Variants in URI1 observed in about 807,000 individuals in gnomAD.
The protein encoded by URI1 is unconventional prefoldin RPB5 interactor 1.
Under a neutral mutation model 60.2 loss-of-function variants are expected in URI1, and 39 were observed. The observed-to-expected ratio is 0.65, with a 90% confidence interval of 0.50 to 0.85. The LOEUF is 0.85. Ranked by LOEUF, URI1 falls within the 40% of genes least tolerant of loss-of-function variation. The probability of loss-of-function intolerance (pLI) is 0.00; values close to 1 mark genes in which losing one functional copy is unlikely to be tolerated. For synonymous variants in URI1, 251 were observed against 236.8 expected (o/e 1.06, Z -0.55); for missense variants, 691 against 665.9 (o/e 1.04, Z -0.42).
intron 1 of URI1, among the ~76,000 whole-genome samples, chr19:29,934,089 C>A (rs943162068): frequency 1.3e-5 from 2 of 151,648 alleles, no homozygotes; most frequent in Non-Finnish European, 2.9e-5. Flanking sequence ...GTGCCTGCCA[C>A]CACGCCCGGC....
In URI1 at chr19:29,972,610, T is replaced by C. The variant is rs1442460615; in HGVS notation, c.152+1383T>C. Among the ~76,000 whole-genome samples the C allele has an allele frequency of 3.3e-5, 5 of 152,166 alleles. No homozygotes were observed. In the South Asian group the frequency reaches 8.3e-4, roughly 25 times the overall value. On this transcript the variant is annotated intron_variant, in intron 2 of 10. Coordinates refer to ENST00000392271, the MANE Select transcript of URI1 (RefSeq NM_003796.3). Reference sequence around the variant, plus strand: ...TTTATAAGATTCTTATTAGAGTTCTTTAAGGATAAGGGCACGTTTTCATCC... The same window carrying C: ...TTTATAAGATTCTTATTAGAGTTCTCTAAGGATAAGGGCACGTTTTCATCC...
intron 4 of URI1, among the ~76,000 whole-genome samples, chr19:29,990,602 A>C (rs928304126): frequency 4.6e-5 from 7 of 152,218 alleles, no homozygotes; most frequent in Non-Finnish European, 7.3e-5. Flanking sequence ...GAATAAATTA[A>C]AGAAACCAGT....
chr19:29,949,708 G>A (rs913180503), intron 1 of URI1, among the ~76,000 whole-genome samples: 3 of 152,230 alleles, frequency 2.0e-5, no homozygotes, highest in Admixed American at 6.5e-5. Context: ...AGGAGCTGGA[G>A]ACCAGCCCGG....
intron 1 of URI1, among the ~76,000 whole-genome samples, chr19:29,960,826 T>G (rs1019903558): frequency 6.6e-6 from 1 of 152,116 alleles, no homozygotes; most frequent in Non-Finnish European, 1.5e-5. Flanking sequence ...TTCAAAAAAT[T>G]GTAGTAAATA....
intron 1 of URI1, among the ~76,000 whole-genome samples, chr19:29,952,341 A>G (rs923022963): frequency 2.0e-5 from 3 of 152,226 alleles, no homozygotes; most frequent in Admixed American, 6.5e-5. Flanking sequence ...TTCTTGCATC[A>G]TGAAGTCTTT....
chr19:29,959,213 C>A (rs1386425678), intron 1 of URI1, among the ~76,000 whole-genome samples: 2 of 152,102 alleles, frequency 1.3e-5, no homozygotes, highest in Non-Finnish European at 2.9e-5. Context: ...CATCCTGGAA[C>A]TCCCAGGCTC....
chr19:30,007,441 C>T (rs756592005), intron 6 of URI1, 29 bp from the exon 7 acceptor site: 1 of 1,605,936 alleles, frequency 6.2e-7, no homozygotes, highest in South Asian at 1.1e-5. Context: ...TGGCTATTAA[C>T]AGCCACGTCT....
chr19:29,952,611 G>A (rs1030908318), intron 1 of URI1, among the ~76,000 whole-genome samples: 1 of 151,760 alleles, frequency 6.6e-6, no homozygotes, highest in Admixed American at 6.6e-5. Flanking sequence ...TTTTCTCCTA[G>A]CCTCTGACCT....
chr19:29,952,065 A>C (rs1403653410), intron 1 of URI1, among the ~76,000 whole-genome samples: 2 of 152,218 alleles, frequency 1.3e-5, no homozygotes, highest in African/African-American at 2.4e-5. Context: ...AAATATATTA[A>C]CCTTCAATAT....
intron 1 of URI1, among the ~76,000 whole-genome samples, chr19:29,935,935 C>T (rs962893779): frequency 3.3e-5 from 5 of 151,808 alleles, no homozygotes; most frequent in Non-Finnish European, 4.4e-5. Context: ...TACAGGCACC[C>T]GCCACCACGC....
chr19:29,961,447 A>G (rs1568418437), intron 1 of URI1, among the ~76,000 whole-genome samples: 1 of 151,988 alleles, frequency 6.6e-6, no homozygotes, highest in African/African-American at 2.4e-5. Context: ...ACTTACCATA[A>G]TGTCTCAAGG....
chr19:29,923,839 G>C (rs1459282960), intron 1 of URI1: 1 of 1,352,818 alleles, frequency 7.4e-7, no homozygotes, highest in Non-Finnish European at 1.0e-6. Flanking sequence ...GGATTAGTCA[G>C]AGAAACAGAA....
chr19:29,954,768 T>C (rs1430812596), intron 1 of URI1, among the ~76,000 whole-genome samples: 1 of 152,118 alleles, frequency 6.6e-6, no homozygotes, highest in Admixed American at 6.5e-5. Context: ...TCTGCCCGCC[T>C]CAGCCTCCCA....
intron 4 of URI1, among the ~76,000 whole-genome samples, chr19:29,990,356 A>C (rs2055730971): frequency 6.6e-6 from 1 of 152,192 alleles, no homozygotes; most frequent in Admixed American, 6.5e-5. Context: ...CAAGTTAAAC[A>C]TTGTGTTTTA....
chr19:30,013,934 T>G (rs939817556), intron 10 of URI1, among the ~76,000 whole-genome samples: 1 of 152,038 alleles, frequency 6.6e-6, no homozygotes, highest in Non-Finnish European at 1.5e-5. Flanking sequence ...GAAGGTGGCT[T>G]TTTAAATTAT....
At chr19:29,956,856 G>A in intron 1 of URI1, 2 of 1,544,458 alleles carry the variant, frequency 1.3e-6, no homozygotes, top group South Asian at 2.2e-5. Flanking sequence ...AGGAGTCTGA[G>A]TTCTACGTTG....
At chr19:29,953,382 T>G (rs1426474577) in intron 1 of URI1, among the ~76,000 whole-genome samples, 1 of 152,216 alleles carries the variant, frequency 6.6e-6, no homozygotes, top group Non-Finnish European at 1.5e-5. Context: ...TGGACTTCAT[T>G]GGTCAAGAGT....
chr19:29,956,306 A>G, intron 1 of URI1: 1 of 346,672 alleles, frequency 2.9e-6, no homozygotes, highest in Non-Finnish European at 4.5e-6. Flanking sequence ...TTTTTTTTTT[A>G]AGAAGGTCCA....
At chr19:29,943,857 A>G (rs1013654937) in intron 1 of URI1, among the ~76,000 whole-genome samples, 4 of 152,000 alleles carry the variant, frequency 2.6e-5, no homozygotes, top group African/African-American at 9.7e-5. Flanking sequence ...TCCAGTGGCT[A>G]GGGTGGTGAC....
Sources: allele counts gnomAD v4.1 joint callset (sites outside exome capture counted in the v4.1 genomes callset), GRCh38; gene constraint gnomAD v4.1.1; transcripts MANE v1.5; gene names NCBI Gene and HGNC (gene_info 2026-07-23, HGNC 2026-07-21).